FHIT: variants seen among roughly 807,000 people sequenced by gnomAD.
FHIT encodes bis(5'-adenosyl)-triphosphatase.
FHIT carries 19 observed loss-of-function variants against 17.9 expected under a neutral mutation model. The observed-to-expected ratio is 1.06, with a 90% confidence interval of 0.74 to 1.56. The LOEUF (loss-of-function observed/expected upper bound fraction) is 1.56, where lower values mean the gene tolerates loss of function less well. FHIT is among the 40% of genes most tolerant of loss of function. The probability of loss-of-function intolerance (pLI) is 0.00; values close to 1 mark genes in which losing one functional copy is unlikely to be tolerated. For missense variants in FHIT, 248 were observed against 189.2 expected, an observed-to-expected ratio of 1.31 and a Z score of -1.82; for synonymous variants, 81 against 69.7, an observed-to-expected ratio of 1.16 and a Z score of -0.81.
intron 5 of FHIT, among the ~76,000 whole-genome samples, chr3:60,311,059 C>T (rs1708920235): frequency 6.6e-6 from 1 of 152,176 alleles, no homozygotes; most frequent in South Asian, 2.1e-4. Flanking sequence ...CCACTGTCTT[C>T]TGTTTCTCAA....
intron 4 of FHIT, among the ~76,000 whole-genome samples, chr3:60,783,182 T>C (rs1467328972): frequency 1.3e-5 from 2 of 152,100 alleles, no homozygotes; most frequent in African/African-American, 4.8e-5. Context: ...AGTTTCGCCA[T>C]GTTGCCCAGG....
intron 5 of FHIT, among the ~76,000 whole-genome samples, chr3:60,108,170 T>A (rs1003391028): frequency 6.6e-6 from 1 of 152,218 alleles, no homozygotes; most frequent in Non-Finnish European, 1.5e-5. Flanking sequence ...TAAAAGCTAA[T>A]TCAATGTGTC....
intron 5 of FHIT, among the ~76,000 whole-genome samples, chr3:60,249,320 T>G (rs866659122): frequency 6.6e-6 from 1 of 152,094 alleles, no homozygotes; most frequent in Non-Finnish European, 1.5e-5. Context: ...CTGTTCTCAT[T>G]TGACACACCG....
At chr3:60,095,122 C>T (rs141958243) in intron 5 of FHIT, among the ~76,000 whole-genome samples, 2 of 152,122 alleles carry the variant, frequency 1.3e-5, no homozygotes, top group East Asian at 1.9e-4. Context: ...AAGTAAAAAG[C>T]TGAGATAAAG....
intron 8 of FHIT, among the ~76,000 whole-genome samples, chr3:59,769,135 C>A (rs1385601186): frequency 6.6e-6 from 1 of 152,160 alleles, no homozygotes; most frequent in African/African-American, 2.4e-5. Flanking sequence ...GATTTGTGAC[C>A]CATAATTAAT....
chr3:60,723,073 G>A (rs912521447), intron 4 of FHIT, among the ~76,000 whole-genome samples: 6 of 152,098 alleles, frequency 3.9e-5, no homozygotes, highest in Non-Finnish European at 8.8e-5. Flanking sequence ...AAATCCAGAG[G>A]GCAGACTCCC....
intron 2 of FHIT, among the ~76,000 whole-genome samples, chr3:61,142,596 G>A (rs987619911): frequency 6.6e-6 from 1 of 152,036 alleles, no homozygotes; most frequent in African/African-American, 2.4e-5. Context: ...ATAACAATAG[G>A]ATGGAAAACC....
At chr3:61,014,820 A>G (rs953806009) in intron 3 of FHIT, among the ~76,000 whole-genome samples, 3 of 137,774 alleles carry the variant, frequency 2.2e-5, no homozygotes, top group Non-Finnish European at 4.6e-5. Flanking sequence ...ATATATATAT[A>G]TATATGTATA....
intron 5 of FHIT, among the ~76,000 whole-genome samples, chr3:60,090,259 G>C (rs780985526): frequency 2.0e-5 from 3 of 152,106 alleles, no homozygotes; most frequent in Non-Finnish European, 4.4e-5. Context: ...AAAATGTGAA[G>C]GATCAATTCA....
intron 5 of FHIT, among the ~76,000 whole-genome samples, chr3:60,327,942 T>A (rs900505847): frequency 7.9e-5 from 12 of 152,096 alleles, no homozygotes; most frequent in Non-Finnish European, 1.6e-4. Context: ...ATGGCATCCC[T>A]CAAAGGGCAA....
intron 9 of FHIT, chr3:59,751,497 A>C (rs191400693): frequency 3.4e-4 from 72 of 212,378 alleles, no homozygotes; most frequent in African/African-American, 1.5e-3. Flanking sequence ...GATAATATAG[A>C]TTGCCAGATA....
rs56107626 is a variant in FHIT, at chr3:59,928,994, C to CAAAA, written c.280-6584_280-6581dup. On this transcript the variant is annotated intron_variant, in intron 7 of 9. Transcript: ENST00000492590. ...TGGGCGACAGAGTGAGACTTCATCTCAAAAAAAAAAAAAAAAAAAAAAAAA... is the reference window on the plus strand; with the variant it reads ...TGGGCGACAGAGTGAGACTTCATCTCAAAAAAAAAAAAAAAAAAAAAAAAAAAAA... Among the ~76,000 whole-genome samples, 35 of 33,142 alleles carry CAAAA rather than the reference C, an allele frequency of 1.1e-3. 1 individual carries two copies. The highest frequency in any genetic ancestry group is 3.8e-3 in the African/African-American group (30 of 7,992). The allele number at this position is 33,142 out of a possible 152,430, so 21.7% of individuals were successfully genotyped here. A position where few individuals can be genotyped will look rare whatever the true frequency, so the allele number is the denominator to read the frequency against.
intron 5 of FHIT, among the ~76,000 whole-genome samples, chr3:60,311,139 T>C (rs977703068): frequency 6.6e-6 from 1 of 152,128 alleles, no homozygotes; most frequent in Non-Finnish European, 1.5e-5. Context: ...CAGTATAGGA[T>C]CTTATTTAGT....
At chr3:60,621,685 T>C (rs771021350) in intron 4 of FHIT, among the ~76,000 whole-genome samples, 25 of 152,078 alleles carry the variant, frequency 1.6e-4, no homozygotes, top group Non-Finnish European at 3.2e-4. Context: ...AGTCACATAG[T>C]ATGGGCTCTA....
At chr3:60,737,194 C>T (rs2042151601) in intron 4 of FHIT, among the ~76,000 whole-genome samples, 1 of 152,200 alleles carries the variant, frequency 6.6e-6, no homozygotes, top group African/African-American at 2.4e-5. Context: ...TCCCATGAAA[C>T]ATTCAGAGCC....
At chr3:60,562,444 T>C (rs559280744) in intron 4 of FHIT, among the ~76,000 whole-genome samples, 2 of 152,186 alleles carry the variant, frequency 1.3e-5, no homozygotes, top group South Asian at 4.2e-4. Context: ...AGAAGAAAAG[T>C]CTCACTTGAG....
chr3:59,930,589 G>A (rs1467955947), intron 7 of FHIT, among the ~76,000 whole-genome samples: 6 of 152,096 alleles, frequency 3.9e-5, no homozygotes, highest in African/African-American at 9.7e-5. Context: ...TTCCCCCTCC[G>A]TGATTCAAAC....
At chr3:60,896,940 C>A (rs941779973) in intron 3 of FHIT, among the ~76,000 whole-genome samples, 1 of 152,156 alleles carries the variant, frequency 6.6e-6, no homozygotes, top group Non-Finnish European at 1.5e-5. Flanking sequence ...TGTAGATGAC[C>A]AATTTCATAT....
At position 61,187,350 on chromosome 3, in the gene FHIT, G is replaced by A. The variant is rs957436131; in HGVS notation, c.-164+13267C>T. On this transcript the variant is annotated intron_variant, in intron 2 of 9. Coordinates refer to ENST00000492590, the MANE Select transcript of FHIT (RefSeq NM_002012.4). ...TGACAAAGAAGGCCATTACACCATG[G>A]TAAAGGGATGAATTCAACAAGAAGA... Among the ~76,000 whole-genome samples the A allele has an allele frequency of 2.0e-5, 3 of 152,136 alleles. No individual in the cohort carries two copies. In the South Asian group the frequency reaches 6.2e-4, roughly 31 times the overall value.
Sources: gnomAD v4.1 joint callset for allele counts (sites outside exome capture counted in the v4.1 genomes callset) on GRCh38, gnomAD v4.1.1 for gene constraint, MANE v1.5 for transcripts, NCBI Gene and HGNC (gene_info 2026-07-23, HGNC 2026-07-21) for gene names.